SNX8: variants seen among roughly 807,000 people sequenced by gnomAD.
SNX8 encodes sorting nexin 8.
SNX8 carries 25 observed loss-of-function variants against 51.6 expected under a neutral mutation model. The ratio of observed to expected loss-of-function variants is 0.48; its 90% CI spans 0.35 to 0.68. SNX8 has a LOEUF of 0.68. Ranked by LOEUF, SNX8 falls within the 30% of genes least tolerant of loss-of-function variation. The probability of loss-of-function intolerance (pLI) is 0.00; values close to 1 mark genes in which losing one functional copy is unlikely to be tolerated. For missense variants in SNX8, 695 were observed against 624.0 expected (o/e 1.11, Z -1.21); for synonymous variants, 324 against 277.0 (o/e 1.17, Z -1.68).
At chr7:2,302,904 G>C (rs1447296971) in intron 1 of SNX8, among the ~76,000 whole-genome samples, 14 of 149,380 alleles carry the variant, frequency 9.4e-5, no homozygotes, top group African/African-American at 3.0e-4. Context: ...CCCTCCGCCC[G>C]GCAGCCGCCC....
chr7:2,304,351 T>A (rs546593567), intron 1 of SNX8, among the ~76,000 whole-genome samples: 1 of 150,628 alleles, frequency 6.6e-6, no homozygotes, highest in Admixed American at 6.6e-5. Context: ...GAGACCATCC[T>A]GGCTAACAGG....
chr7:2,353,999 C>G (rs956669866), intron 1 of SNX8: 2 of 152,318 alleles, frequency 1.3e-5, no homozygotes, highest in South Asian at 2.1e-4. Context: ...ATGCCCGTCC[C>G]GTGAGCACCC....
At chr7:2,286,361 C>A (rs969928051) in intron 1 of SNX8, among the ~76,000 whole-genome samples, 3 of 151,990 alleles carry the variant, frequency 2.0e-5, no homozygotes, top group Non-Finnish European at 4.4e-5. Flanking sequence ...ATTTCATTAA[C>A]CTTTAGGTTT....
chr7:2,296,702 G>C (rs905577631), intron 1 of SNX8, among the ~76,000 whole-genome samples: 2 of 151,760 alleles, frequency 1.3e-5, no homozygotes, highest in Non-Finnish European at 2.9e-5. Flanking sequence ...AGGCCGAGGC[G>C]GGTGGATCAC....
chr7:2,269,677 T>C (rs761112627), intron 4 of SNX8, 38 bp from the exon 5 acceptor site: 1 of 1,445,422 alleles, frequency 6.9e-7, no homozygotes, highest in Non-Finnish European at 9.5e-7. Context: ...CCTCTTCTAC[T>C]AGCAGCAAGA....
chr7:2,275,689 G>A (rs62442525), intron 2 of SNX8, among the ~76,000 whole-genome samples: 22,671 of 149,954 alleles, frequency 0.15, 2,024 homozygotes, highest in Middle Eastern at 0.27. Flanking sequence ...ACGACAAAGC[G>A]AGACCTTGTC....
chr7:2,332,811 A>T (rs542233654), intron 1 of SNX8, among the ~76,000 whole-genome samples: 1 of 150,438 alleles, frequency 6.6e-6, no homozygotes, highest in East Asian at 1.9e-4. Context: ...AAGAAAAGAA[A>T]GAAAGAGAAA....
chr7:2,315,436 CCACT>C (rs1411804652), upstream of SNX8, among the ~76,000 whole-genome samples: 3 of 147,296 alleles, frequency 2.0e-5, no homozygotes, highest in Non-Finnish European at 4.5e-5. Context: ...ATTCATCCAC[CCACT>C]CACTCATGCA....
At chr7:2,350,574 C>CA (rs1480369950) in intron 1 of SNX8, among the ~76,000 whole-genome samples, 3 of 152,162 alleles carry the variant, frequency 2.0e-5, no homozygotes, top group Admixed American at 6.6e-5. Flanking sequence ...GAGGCCAACG[C>CA]AGAAGGTTTG....
chr7:2,269,199 G>C (rs1173015694), intron 5 of SNX8, among the ~76,000 whole-genome samples: 1 of 151,040 alleles, frequency 6.6e-6, no homozygotes, highest in Non-Finnish European at 1.5e-5. Context: ...AAATTCCTCT[G>C]CCTTGGGATC....
chr7:2,291,372 C>T (rs1796147892), intron 1 of SNX8, among the ~76,000 whole-genome samples: 1 of 151,866 alleles, frequency 6.6e-6, no homozygotes. Flanking sequence ...CCAAGGCGGG[C>T]AGATCACCTG....
chr7:2,309,668 T>G, intron 1 of SNX8: 3 of 389,856 alleles, frequency 7.7e-6, no homozygotes, highest in Non-Finnish European at 1.6e-5. Flanking sequence ...GAGGAGGAGG[T>G]TGCGGTGAGC....
chr7:2,314,361 C>T lies in SNX8; in HGVS notation c.61G>A (p.Glu21Lys). ...AAAVGAAAEAEADEEADPPAS... is the reference protein window; with the variant it reads ...AAAVGAAAEAKADEEADPPAS... ...GGGGGATCCGCCTCCTCGTCAGCCT[C>T]CGCCTCAGCTGCCGCCCCGACTGCA... The change falls in exon 1 of 11, where the codon GAG becomes AAG. Residue 21 changes from glutamate (E) to lysine (K), a missense_variant. Glu to Lys is a moderately conservative substitution (Grantham distance 56, BLOSUM62 1). Coordinates refer to ENST00000222990, the MANE Select transcript of SNX8 (RefSeq NM_013321.4). 1 of 1,224,258 alleles carries T rather than the reference C, an allele frequency of 8.2e-7. No homozygotes were observed. Among genetic ancestry groups the T allele is most frequent in the Non-Finnish European group, 1.0e-6 (1 of 982,712 alleles). The allele number at this position is 1,224,258 out of a possible 1,614,324, so 75.8% of individuals were successfully genotyped here. A position where few individuals can be genotyped will look rare whatever the true frequency, so the allele number is the denominator to read the frequency against.
chr7:2,344,822 G>A (rs1398484072), intron 1 of SNX8, among the ~76,000 whole-genome samples: 1 of 152,142 alleles, frequency 6.6e-6, no homozygotes, highest in Non-Finnish European at 1.5e-5. Context: ...CACTTTGGGA[G>A]GCTGAGGCAG....
chr7:2,285,564 G>A (rs1796008940), intron 1 of SNX8, among the ~76,000 whole-genome samples: 1 of 152,122 alleles, frequency 6.6e-6, no homozygotes, highest in South Asian at 2.1e-4. Context: ...GAGAAATAGA[G>A]ATGCTTCTGT....
chr7:2,263,659 C>A (rs1277896608), intron 6 of SNX8, among the ~76,000 whole-genome samples: 1 of 152,150 alleles, frequency 6.6e-6, no homozygotes, highest in Non-Finnish European at 1.5e-5. Context: ...GGTCTCCCCT[C>A]CCCTCAGGCA....
At chr7:2,311,764 C>T (rs1029823822) in intron 1 of SNX8, among the ~76,000 whole-genome samples, 3 of 151,908 alleles carry the variant, frequency 2.0e-5, no homozygotes, top group African/African-American at 7.3e-5. Flanking sequence ...GGTGAAACCC[C>T]GTCTCTACTA....
intron 1 of SNX8, among the ~76,000 whole-genome samples, chr7:2,323,719 G>T (rs747082547): frequency 6.6e-6 from 1 of 152,208 alleles, no homozygotes; most frequent in Non-Finnish European, 1.5e-5. Context: ...GTACTACCAC[G>T]TGCCTGGCAC....
At chr7:2,285,509 G>A (rs1303403513) in intron 1 of SNX8, among the ~76,000 whole-genome samples, 1 of 152,146 alleles carries the variant, frequency 6.6e-6, no homozygotes, top group Non-Finnish European at 1.5e-5. Context: ...ATGAGAGTTT[G>A]GCAGCTCTGT....
Sources: gnomAD v4.1 joint callset for allele counts (sites outside exome capture counted in the v4.1 genomes callset) on GRCh38, gnomAD v4.1.1 for gene constraint, MANE v1.5 for transcripts, NCBI Gene and HGNC (gene_info 2026-07-23, HGNC 2026-07-21) for gene names.